Variants in SORCS3 observed in about 807,000 individuals in gnomAD.
SORCS3 encodes sortilin related VPS10 domain containing receptor 3.
In SORCS3, 57 loss-of-function variants were observed where a neutral mutation model predicts 146.3. The observed-to-expected ratio is 0.39, with a 90% CI of 0.31 to 0.49. The LOEUF is 0.49. SORCS3 is among the 20% of genes least tolerant of loss of function. The pLI, the probability that SORCS3 is intolerant of heterozygous loss-of-function variation, is 0.92. For synonymous variants in SORCS3, 653 were observed against 618.5 expected, an observed-to-expected ratio of 1.06 and a Z score of -0.83; for missense variants, 1,341 against 1,575.5, an observed-to-expected ratio of 0.85 and a Z score of 2.52.
intron 1 of SORCS3, among the ~76,000 whole-genome samples, chr10:104,715,389 T>C (rs2016464470): frequency 1.3e-5 from 2 of 152,194 alleles, no homozygotes; most frequent in Non-Finnish European, 2.9e-5. Flanking sequence ...GCCTTTGGAC[T>C]CCAGGAGTTA....
intron 4 of SORCS3, among the ~76,000 whole-genome samples, chr10:105,022,499 T>G (rs997412606): frequency 1.6e-4 from 24 of 151,864 alleles, no homozygotes; most frequent in African/African-American, 5.3e-4. Flanking sequence ...GACAGGTTTT[T>G]ACTATGATGG....
chr10:104,809,372 G>A (rs1184351735), intron 1 of SORCS3, among the ~76,000 whole-genome samples: 1 of 152,188 alleles, frequency 6.6e-6, no homozygotes, highest in Non-Finnish European at 1.5e-5. Flanking sequence ...GGGTGCTAGG[G>A]AAGCCAGACA....
At chr10:105,013,249 C>A (rs1300286272) in intron 4 of SORCS3, among the ~76,000 whole-genome samples, 2 of 151,930 alleles carry the variant, frequency 1.3e-5, no homozygotes, top group Admixed American at 1.3e-4. Context: ...ACTTCTTTAA[C>A]CTAATAAAGA....
At chr10:105,149,390 A>C (rs938214654) in intron 9 of SORCS3, among the ~76,000 whole-genome samples, 1 of 152,162 alleles carries the variant, frequency 6.6e-6, no homozygotes, top group African/African-American at 2.4e-5. Context: ...TAATTCCCTT[A>C]AACAACAAGG....
At chr10:105,166,713 T>C (rs1420574852) in intron 12 of SORCS3, among the ~76,000 whole-genome samples, 1 of 152,184 alleles carries the variant, frequency 6.6e-6, no homozygotes, top group Non-Finnish European at 1.5e-5. Flanking sequence ...TAGGGATTCA[T>C]AGACACCCAA....
At chr10:104,733,199 G>A (rs1251730173) in intron 1 of SORCS3, among the ~76,000 whole-genome samples, 2 of 152,050 alleles carry the variant, frequency 1.3e-5, no homozygotes, top group African/African-American at 4.8e-5. Context: ...AGTGGGGAAG[G>A]CATGTACTAC....
chr10:104,678,056 G>C (rs960760080), intron 1 of SORCS3, among the ~76,000 whole-genome samples: 1 of 152,142 alleles, frequency 6.6e-6, no homozygotes, highest in Non-Finnish European at 1.5e-5. Context: ...GTCAATGTTA[G>C]ACACATGTGT....
chr10:104,641,367 G>T lies in SORCS3; in HGVS notation c.40G>T (p.Gly14Trp), dbSNP rs2015411718. The part of the protein sequence containing the change: ...ARTERPAGRP[G>W]APLVRTGLLL... ...CACGGAGCGCCCCGCAGGCAGGCCGGGGGCGCCGCTTGTCCGGACGGGGCT... is the reference window on the plus strand; with the variant it reads ...CACGGAGCGCCCCGCAGGCAGGCCGTGGGCGCCGCTTGTCCGGACGGGGCT... The change falls in exon 1 of 27, where the codon GGG (glycine) becomes TGG (tryptophan). Residue 14 changes from glycine (G) to tryptophan (W), a missense_variant. Physicochemically the swap from Gly to Trp is radical, Grantham distance 184 (BLOSUM62 -2). Coordinates refer to ENST00000369701, the MANE Select transcript of SORCS3 (RefSeq NM_014978.3). This position sits in a 1 kb window ranked among gnomAD's most constrained non-coding sequence, Gnocchi z 6.4. The T allele has an allele frequency of 7.1e-7, 1 of 1,415,786 alleles. No individual in the cohort carries two copies. Among genetic ancestry groups the T allele is most frequent in the African/African-American group, 1.5e-5 (1 of 66,934 alleles). The allele number at this position is 1,415,786 out of a possible 1,614,324, so 87.7% of individuals were successfully genotyped here.
At chr10:105,048,368 A>G (rs1353668483) in intron 5 of SORCS3, among the ~76,000 whole-genome samples, 7 of 150,724 alleles carry the variant, frequency 4.6e-5, no homozygotes, top group South Asian at 2.1e-4. Flanking sequence ...AAAATGATGA[A>G]TTCATGTCCT....
intron 1 of SORCS3, among the ~76,000 whole-genome samples, chr10:104,653,980 C>A (rs1040350159): frequency 6.6e-6 from 1 of 152,008 alleles, no homozygotes; most frequent in Non-Finnish European, 1.5e-5. Flanking sequence ...CTCTGGTAAT[C>A]ATTCTTCTAC....
At chr10:104,954,928 A>T (rs1217158627) in intron 3 of SORCS3, among the ~76,000 whole-genome samples, 1 of 152,246 alleles carries the variant, frequency 6.6e-6, no homozygotes, top group Non-Finnish European at 1.5e-5. Context: ...GCTGAAACCA[A>T]TGAGTCCCGG....
intron 13 of SORCS3, among the ~76,000 whole-genome samples, 165 bp downstream of exon 13, chr10:105,167,514 C>T (rs1018449826): frequency 1.3e-5 from 2 of 152,028 alleles, no homozygotes; most frequent in Non-Finnish European, 1.5e-5. Context: ...AACTCATAAG[C>T]AGCAATAGTA....
intron 1 of SORCS3, among the ~76,000 whole-genome samples, chr10:104,735,441 G>T (rs913236648): frequency 7.0e-5 from 5 of 71,144 alleles, no homozygotes; most frequent in African/African-American, 2.7e-4. Context: ...CGGTATTCAT[G>T]AGCTCTCACC....
chr10:105,085,885 GTC>G (rs34180718), intron 5 of SORCS3, among the ~76,000 whole-genome samples: 39 of 152,162 alleles, frequency 2.6e-4, no homozygotes, highest in Non-Finnish European at 5.0e-4. Flanking sequence ...AACTGTCTCT[GTC>G]TCTCTCTGTT....
intron 2 of SORCS3, among the ~76,000 whole-genome samples, chr10:104,885,645 T>C (rs2018675008): frequency 1.3e-5 from 2 of 152,170 alleles, no homozygotes; most frequent in Non-Finnish European, 2.9e-5. Flanking sequence ...TCGTTTTGCG[T>C]CTTTCCCATT....
intron 1 of SORCS3, among the ~76,000 whole-genome samples, chr10:104,712,344 T>C (rs911556646): frequency 6.6e-6 from 1 of 152,208 alleles, no homozygotes; most frequent in African/African-American, 2.4e-5. Context: ...CCTCTCCAAA[T>C]AATTTCCTAA....
intron 1 of SORCS3, among the ~76,000 whole-genome samples, chr10:104,648,026 C>G (rs1276779016): frequency 1.3e-5 from 2 of 152,196 alleles, no homozygotes; most frequent in Admixed American, 6.5e-5. Flanking sequence ...CCTCATGGTC[C>G]TGCCGACATG....
intron 1 of SORCS3, among the ~76,000 whole-genome samples, chr10:104,696,566 C>T (rs1427359878): frequency 1.1e-4 from 1 of 9,142 alleles, no homozygotes; most frequent in African/African-American, 2.5e-4. Context: ...ATATAATATA[C>T]GTATATAATA....
intron 1 of SORCS3, among the ~76,000 whole-genome samples, chr10:104,702,068 C>T (rs1223320237): frequency 3.3e-5 from 5 of 152,088 alleles, no homozygotes; most frequent in Admixed American, 3.3e-4. Context: ...GGCCTGTGTT[C>T]CAATAAAGCT....
Sources: gnomAD v4.1 joint callset for allele counts (sites outside exome capture counted in the v4.1 genomes callset) on GRCh38, gnomAD v4.1.1 for gene constraint, Gnocchi (gnomAD v3.1) non-coding constraint, MANE v1.5 for transcripts, NCBI Gene and HGNC (gene_info 2026-07-23, HGNC 2026-07-21) for gene names.